The following SRD5A2 variants were observed in gnomAD, a reference collection of about 807,000 sequenced individuals.
SRD5A2 encodes the protein 3-oxo-5-alpha-steroid 4-dehydrogenase 2.
Under a neutral mutation model 27.4 loss-of-function variants are expected in SRD5A2, and 30 were observed. The ratio of observed to expected loss-of-function variants is 1.10; its 90% CI spans 0.82 to 1.49. The LOEUF (loss-of-function observed/expected upper bound fraction) is 1.49, where lower values mean the gene tolerates loss of function less well. Ranked by LOEUF, SRD5A2 falls within the 40% of genes most tolerant of loss-of-function variation. SRD5A2 has a pLI of 0.00. For synonymous variants in SRD5A2, 141 were observed against 133.6 expected, an observed-to-expected ratio of 1.06 and a Z score of -0.38; for missense variants, 348 against 323.4, an observed-to-expected ratio of 1.08 and a Z score of -0.58.
chr2:31,588,935 G>A, the SRD5A2 span, among the ~76,000 whole-genome samples: 3 of 152,094 alleles, frequency 2.0e-5, no homozygotes, highest in African/African-American at 7.2e-5. Flanking sequence ...GTGAGCTTTT[G>A]CTGCAAGAAC....
chr2:31,527,890 AT>A (rs1442294670), intron 4 of SRD5A2, among the ~76,000 whole-genome samples: 8 of 152,222 alleles, frequency 5.3e-5, no homozygotes, highest in African/African-American at 9.6e-5. Context: ...GCATTGAGTC[AT>A]AACCCCAGGG....
chr2:31,557,684 G>C (rs746650440), intron 1 of SRD5A2, among the ~76,000 whole-genome samples: 3 of 152,162 alleles, frequency 2.0e-5, no homozygotes, highest in Non-Finnish European at 4.4e-5. Context: ...GCCAATTTCT[G>C]GTCAACTCTG....
the SRD5A2 span, among the ~76,000 whole-genome samples, chr2:31,594,818 T>A: frequency 1.3e-5 from 2 of 152,084 alleles, no homozygotes; most frequent in Non-Finnish European, 2.9e-5. Context: ...ACAAAACAAG[T>A]CTCAATAAAT....
chr2:31,614,974 A>T, the SRD5A2 span, among the ~76,000 whole-genome samples: 1 of 152,118 alleles, frequency 6.6e-6, no homozygotes, highest in African/African-American at 2.4e-5. Flanking sequence ...TGGTTTTATA[A>T]AGGGAAACCC....
intron 1 of SRD5A2, among the ~76,000 whole-genome samples, chr2:31,556,604 G>A (rs566984404): frequency 2.2e-4 from 33 of 152,128 alleles, no homozygotes; most frequent in Non-Finnish European, 3.7e-4. Context: ...AGATGTGACC[G>A]CAAGCCAAGG....
At chr2:31,645,673 G>A in the SRD5A2 span, among the ~76,000 whole-genome samples, 2 of 152,120 alleles carry the variant, frequency 1.3e-5, no homozygotes, top group South Asian at 2.1e-4. Flanking sequence ...GATTTAATGG[G>A]ATACTCTAAA....
At position 31,542,195 on chromosome 2, in the gene SRD5A2, G is replaced by A. The variant is rs143257484; in HGVS notation, c.282-8429C>T. On this transcript the variant is annotated intron_variant, in intron 1 of 4. Coordinates refer to ENST00000622030, the MANE Select transcript of SRD5A2 (RefSeq NM_000348.4). ...TAAGGAAAGGAAAGCAAAGAGTAAA[G>A]AGGGCTTTATTTTGTATCTTAGAAG... Among the ~76,000 whole-genome samples the A allele has an allele frequency of 2.6e-5, 4 of 152,306 alleles. No individual in the cohort carries two copies. The East Asian group carries it at 5.8e-4, about 22-fold the overall frequency.
chr2:31,571,400 C>G (rs1289112939), intron 1 of SRD5A2, among the ~76,000 whole-genome samples: 1 of 152,090 alleles, frequency 6.6e-6, no homozygotes, highest in African/African-American at 2.4e-5. Context: ...AATGCAAAAC[C>G]TAAAACCATA....
the SRD5A2 span, among the ~76,000 whole-genome samples, chr2:31,609,311 A>ATTTTT: frequency 3.9e-5 from 6 of 152,074 alleles, no homozygotes; most frequent in Non-Finnish European, 7.4e-5. Flanking sequence ...AGACAAAATA[A>ATTTTT]TCTTTAAAAA....
At chr2:31,541,927 G>A (rs1459998664) in intron 1 of SRD5A2, among the ~76,000 whole-genome samples, 4 of 152,190 alleles carry the variant, frequency 2.6e-5, no homozygotes, top group African/African-American at 9.7e-5. Flanking sequence ...CATCCCAGCA[G>A]CTGGAACTTG....
chr2:31,541,389 C>G (rs1453353251), intron 1 of SRD5A2, among the ~76,000 whole-genome samples: 1 of 151,602 alleles, frequency 6.6e-6, no homozygotes, highest in Admixed American at 6.6e-5. Flanking sequence ...AAAATATAGC[C>G]CATTCAAAGG....
chr2:31,530,025 T>A (rs1665871955), intron 3 of SRD5A2, among the ~76,000 whole-genome samples: 1 of 152,204 alleles, frequency 6.6e-6, no homozygotes. Context: ...TTTGTCCTGC[T>A]GTAGGCTGGT....
intron 1 of SRD5A2, among the ~76,000 whole-genome samples, chr2:31,545,800 T>C (rs1290186795): frequency 6.6e-6 from 1 of 152,232 alleles, no homozygotes; most frequent in Non-Finnish European, 1.5e-5. Context: ...TATGATCATG[T>C]GTCTAGAACA....
the SRD5A2 span, among the ~76,000 whole-genome samples, chr2:31,636,630 T>G: frequency 6.6e-6 from 1 of 152,066 alleles, no homozygotes; most frequent in Non-Finnish European, 1.5e-5. Context: ...ATGTGGCCTT[T>G]TCTAAAACTA....
At chr2:31,616,553 C>A in the SRD5A2 span, among the ~76,000 whole-genome samples, 1 of 152,226 alleles carries the variant, frequency 6.6e-6, no homozygotes, top group Non-Finnish European at 1.5e-5. Flanking sequence ...GACTGCCCCA[C>A]TGAATTTTAG....
intron 1 of SRD5A2, among the ~76,000 whole-genome samples, chr2:31,568,965 AG>A (rs1666794738): frequency 6.6e-6 from 1 of 152,228 alleles, no homozygotes; most frequent in Non-Finnish European, 1.5e-5. Context: ...GAGTGGGAAG[AG>A]GCCAAGGAGC....
chr2:31,655,987 G>A, the SRD5A2 span, among the ~76,000 whole-genome samples: 1 of 152,182 alleles, frequency 6.6e-6, no homozygotes, highest in Non-Finnish European at 1.5e-5. Flanking sequence ...GAGAGAGGAA[G>A]GTGAAAGTAG....
At chr2:31,661,568 C>T in the SRD5A2 span, among the ~76,000 whole-genome samples, 7 of 152,078 alleles carry the variant, frequency 4.6e-5, no homozygotes, top group Non-Finnish European at 8.8e-5. Context: ...TGTGTAGAAA[C>T]ACAAGAGACT....
chr2:31,656,670 G>T, the SRD5A2 span, among the ~76,000 whole-genome samples: 2 of 152,276 alleles, frequency 1.3e-5, no homozygotes, highest in Middle Eastern at 3.4e-3. Context: ...TGGAAGCAGA[G>T]AGACTAAGGC....
Sources: allele counts gnomAD v4.1 joint callset (sites outside exome capture counted in the v4.1 genomes callset), GRCh38; gene constraint gnomAD v4.1.1; transcripts MANE v1.5; gene names NCBI Gene and HGNC (gene_info 2026-07-23, HGNC 2026-07-21).